ANKS1B: variants seen among roughly 807,000 people sequenced by gnomAD.
ANKS1B encodes ankyrin repeat and sterile alpha motif domain containing 1B.
Under a neutral mutation model 148.3 loss-of-function variants are expected in ANKS1B, and 36 were observed. That is an observed-to-expected ratio of 0.24 (90% CI 0.19 to 0.32). The LOEUF (loss-of-function observed/expected upper bound fraction) is 0.32, where lower values mean the gene tolerates loss of function less well. ANKS1B is among the 10% of genes least tolerant of loss of function. ANKS1B has a pLI of 1.00. For synonymous variants in ANKS1B, 542 were observed against 560.8 expected, an observed-to-expected ratio of 0.97 and a Z score of 0.47; for missense variants, 1,157 against 1,542.6, an observed-to-expected ratio of 0.75 and a Z score of 4.19.
At chr12:98,836,583 T>C (rs890288646) in intron 17 of ANKS1B, among the ~76,000 whole-genome samples, 1 of 152,222 alleles carries the variant, frequency 6.6e-6, no homozygotes, top group African/African-American at 2.4e-5. Context: ...AAAGGCTTTA[T>C]AGCAGACTGT....
Position 99,556,590 on chromosome 12 carries a change from T to A in ANKS1B, c.1273-51949A>T, listed in dbSNP as rs544474567. 6.6e-5 allele frequency among the ~76,000 whole-genome samples: 10 copies of A among 152,260 alleles called. No homozygotes were observed. In the South Asian group the frequency reaches 1.9e-3, roughly 28 times the overall value. On this transcript the variant is annotated intron_variant, in intron 9 of 26. Transcript: ENST00000683438. ...TTGATGTGGGCATTTAGTGCTATAATCTTTCCTCTTAACACTGCTTTAGCT... is the reference window on the plus strand; with the variant it reads ...TTGATGTGGGCATTTAGTGCTATAAACTTTCCTCTTAACACTGCTTTAGCT...
intron 9 of ANKS1B, among the ~76,000 whole-genome samples, chr12:99,515,837 C>T (rs1032681571): frequency 1.6e-4 from 24 of 152,054 alleles, no homozygotes; most frequent in African/African-American, 5.1e-4. Context: ...TATTGCCTGT[C>T]TTTTGGATAA....
intron 17 of ANKS1B, among the ~76,000 whole-genome samples, chr12:98,945,456 A>G (rs2099843611): frequency 6.8e-6 from 1 of 146,806 alleles, no homozygotes; most frequent in Admixed American, 7.0e-5. Flanking sequence ...GATTGTGTCA[A>G]TGCACACCAG....
intron 9 of ANKS1B, among the ~76,000 whole-genome samples, chr12:99,507,932 T>C (rs2202036): frequency 1 from 151,842 of 151,986 alleles, 75,850 homozygotes; most frequent in Middle Eastern, 1. Context: ...TCTTTCCAAT[T>C]TTACCCTTTT....
chr12:99,301,772 C>G (rs2081650411), intron 12 of ANKS1B, among the ~76,000 whole-genome samples: 1 of 151,964 alleles, frequency 6.6e-6, no homozygotes, highest in South Asian at 2.1e-4. Flanking sequence ...AATTTATAAA[C>G]ATAATTACAG....
intron 24 of ANKS1B, among the ~76,000 whole-genome samples, chr12:98,775,408 T>A (rs1417863490): frequency 3.3e-5 from 5 of 152,118 alleles, no homozygotes; most frequent in African/African-American, 1.2e-4. Flanking sequence ...CCTGTGTCTT[T>A]GCTGACCCCT....
chr12:99,374,395 G>T (rs78646166), intron 12 of ANKS1B, among the ~76,000 whole-genome samples: 1 of 152,116 alleles, frequency 6.6e-6, no homozygotes, highest in East Asian at 1.9e-4. Flanking sequence ...AGGTGAACTG[G>T]TGTGTCTACA....
At chr12:98,845,646 C>T (rs951489577) in intron 17 of ANKS1B, among the ~76,000 whole-genome samples, 3 of 152,084 alleles carry the variant, frequency 2.0e-5, no homozygotes, top group East Asian at 1.9e-4. Flanking sequence ...GGAAGTCCAG[C>T]CTGGAAAAGG....
At chr12:99,716,593 G>GA (rs1488118242) in intron 8 of ANKS1B, among the ~76,000 whole-genome samples, 1 of 152,052 alleles carries the variant, frequency 6.6e-6, no homozygotes, top group African/African-American at 2.4e-5. Context: ...CAAATAGCCA[G>GA]AAAATGGCAC....
At chr12:99,717,958 C>T (rs1443663787) in intron 8 of ANKS1B, among the ~76,000 whole-genome samples, 3 of 136,884 alleles carry the variant, frequency 2.2e-5, no homozygotes, top group Admixed American at 8.4e-5. Flanking sequence ...GGCTGGAGTG[C>T]AGTGGCGCGA....
chr12:99,326,084 G>A (rs947325220), intron 12 of ANKS1B, among the ~76,000 whole-genome samples: 6 of 151,964 alleles, frequency 3.9e-5, no homozygotes, highest in African/African-American at 7.2e-5. Flanking sequence ...TCACTATCAC[G>A]AGAACAGCAT....
At chr12:98,867,760 G>A (rs913006202) in intron 17 of ANKS1B, among the ~76,000 whole-genome samples, 1 of 151,910 alleles carries the variant, frequency 6.6e-6, no homozygotes, top group African/African-American at 2.4e-5. Context: ...TACTTGGGAG[G>A]CTGAGGCAGG....
At chr12:99,358,637 GC>G (rs2092230349) in intron 12 of ANKS1B, among the ~76,000 whole-genome samples, 1 of 151,810 alleles carries the variant, frequency 6.6e-6, no homozygotes, top group African/African-American at 2.4e-5. Context: ...CTAGTATCTT[GC>G]CGGGAAAAGT....
At chr12:99,045,007 T>G (rs2153505605) in intron 17 of ANKS1B, among the ~76,000 whole-genome samples, 1 of 152,322 alleles carries the variant, frequency 6.6e-6, no homozygotes. Context: ...ACACACACTG[T>G]ATGTCCTACT....
chr12:98,950,792 G>T (rs1262773219), intron 17 of ANKS1B, among the ~76,000 whole-genome samples: 2 of 152,034 alleles, frequency 1.3e-5, no homozygotes, highest in Non-Finnish European at 2.9e-5. Flanking sequence ...AATAAACAGG[G>T]TGTTGCTCTC....
chr12:99,090,406 T>G (rs1481837434), intron 15 of ANKS1B, among the ~76,000 whole-genome samples: 1 of 152,276 alleles, frequency 6.6e-6, no homozygotes, highest in Admixed American at 6.5e-5. Flanking sequence ...AGTTGGATAA[T>G]GTTATTTATT....
At chr12:99,462,724 C>T (rs2096003849) in intron 10 of ANKS1B, among the ~76,000 whole-genome samples, 1 of 152,144 alleles carries the variant, frequency 6.6e-6, no homozygotes, top group Admixed American at 6.5e-5. Context: ...GAAATGTGTT[C>T]CCCACTGTTG....
chr12:99,582,702 G>A (rs1458817132), intron 9 of ANKS1B, among the ~76,000 whole-genome samples: 1 of 152,152 alleles, frequency 6.6e-6, no homozygotes, highest in Non-Finnish European at 1.5e-5. Flanking sequence ...GGGATTGATT[G>A]CAAAGGTAAA....
rs1292055238 is a variant in ANKS1B at position 99,464,386 on chromosome 12, T to A, written c.1439-20577A>T. On this transcript the variant is annotated intron_variant, in intron 10 of 26. Coordinates refer to ENST00000683438, the MANE Select transcript of ANKS1B (RefSeq NM_001352186.2). ...TGGAAACCCTAAAAAGCAGAGCACC[T>A]CTCCTCCTCCAAAGGAATGCAGTTC... 1.4e-4 allele frequency among the ~76,000 whole-genome samples: 22 copies of A among 152,138 alleles called. No individual in the cohort carries two copies. The South Asian group carries it at 4.6e-3, about 32-fold the overall frequency.
Sources: allele counts gnomAD v4.1 joint callset (sites outside exome capture counted in the v4.1 genomes callset), GRCh38; gene constraint gnomAD v4.1.1; transcripts MANE v1.5; gene names NCBI Gene and HGNC (gene_info 2026-07-23, HGNC 2026-07-21).